GABRA5: variants seen among roughly 807,000 people sequenced by gnomAD.
GABRA5 encodes gamma-aminobutyric acid type A receptor subunit alpha5.
A neutral mutation model predicts 47.3 loss-of-function variants in GABRA5; 18 were observed. That is an observed-to-expected ratio of 0.38 (90% CI 0.26 to 0.56). The LOEUF (loss-of-function observed/expected upper bound fraction) is 0.56. Among genes scored for constraint, GABRA5 ranks in the 20% least tolerant of loss-of-function variants. The probability of loss-of-function intolerance (pLI) is 0.71; values close to 1 mark genes in which losing one functional copy is unlikely to be tolerated. For synonymous variants in GABRA5, 237 were observed against 229.3 expected (o/e 1.03, Z -0.30); for missense variants, 365 against 599.3 (o/e 0.61, Z 4.08).
At chr15:26,935,103 T>C (rs1013423068) in intron 7 of GABRA5, among the ~76,000 whole-genome samples, 1 of 152,164 alleles carries the variant, frequency 6.6e-6, no homozygotes, top group African/African-American at 2.4e-5. Flanking sequence ...GAATTTAGTG[T>C]TGGTTGCTGA....
intron 6 of GABRA5, among the ~76,000 whole-genome samples, chr15:26,886,632 G>A (rs1026706637): frequency 1.3e-5 from 2 of 152,158 alleles, no homozygotes; most frequent in Non-Finnish European, 2.9e-5. Context: ...TCTGAGCAAT[G>A]TTCTTGTTTA....
rs1042285046 is a variant in GABRA5, at chr15:26,937,255, A to G, written c.651A>G (p.Glu217=). 3 of 1,614,042 alleles carry G rather than the reference A, an allele frequency of 1.9e-6. No homozygotes were observed. The highest frequency in any genetic ancestry group is 2.5e-6 in the Non-Finnish European group (3 of 1,179,884). The part of the protein sequence containing the change: ...NGSTKSVVVA[E]DGSRLNQYHL... Reference sequence around the variant, plus strand: ...CCACCAAGTCGGTGGTGGTGGCGGAAGATGGCTCCAGACTGAACCAGTACC... The same window carrying G: ...CCACCAAGTCGGTGGTGGTGGCGGAGGATGGCTCCAGACTGAACCAGTACC... The change falls in exon 8 of 11, where the codon GAA becomes GAG. Residue 217 remains glutamate (E), a synonymous_variant. Transcript: ENST00000335625.
intron 6 of GABRA5, among the ~76,000 whole-genome samples, chr15:26,890,593 C>T (rs572760474): frequency 3.3e-5 from 5 of 152,134 alleles, no homozygotes; most frequent in Non-Finnish European, 5.9e-5. Context: ...CACGCAGCCA[C>T]ACCATCCTTC....
intron 7 of GABRA5, among the ~76,000 whole-genome samples, chr15:26,936,144 G>A (rs1314839635): frequency 6.6e-6 from 1 of 152,142 alleles, no homozygotes; most frequent in Non-Finnish European, 1.5e-5. Context: ...CCTGTGAAGA[G>A]GTGCCTTCCG....
chr15:26,913,100 C>T (rs1893636721), intron 6 of GABRA5, among the ~76,000 whole-genome samples: 1 of 127,144 alleles, frequency 7.9e-6, no homozygotes, highest in Non-Finnish European at 1.7e-5. Flanking sequence ...AGGAGAATTG[C>T]TTGAACCCGG....
chr15:26,891,607 C>G (rs1170396003), intron 6 of GABRA5, among the ~76,000 whole-genome samples: 1 of 152,186 alleles, frequency 6.6e-6, no homozygotes, highest in African/African-American at 2.4e-5. Flanking sequence ...GTTAAAGCCC[C>G]GGATTCACCG....
At chr15:26,911,111 T>C (rs1326516122) in intron 6 of GABRA5, among the ~76,000 whole-genome samples, 1 of 152,174 alleles carries the variant, frequency 6.6e-6, no homozygotes, top group Non-Finnish European at 1.5e-5. Flanking sequence ...ATCTGAATAA[T>C]ACATTCATGT....
chr15:26,903,007 T>C (rs1372688657), intron 6 of GABRA5, among the ~76,000 whole-genome samples: 2 of 152,144 alleles, frequency 1.3e-5, no homozygotes, highest in Non-Finnish European at 2.9e-5. Flanking sequence ...AGATTTGTTA[T>C]ATAGATAAAC....
At position 26,915,011 on chromosome 15, in the gene GABRA5, G is replaced by A. The variant is rs1323378629; in HGVS notation, c.580+126G>A. 3.0e-5 allele frequency: 23 copies of A among 776,520 alleles called. 1 individual carries two copies. The highest frequency in any genetic ancestry group is 4.6e-5 in the Non-Finnish European group (21 of 454,122). 48.1% of individuals were successfully genotyped at this position (776,520 alleles called of 1,614,324 possible). On this transcript the variant is annotated intron_variant, in intron 7 of 10. Transcript: ENST00000335625. ...AGGATGCAGTCTGTTTAAGAAGCGT[G>A]GAGAGTGTATTGTTCTCCCCAGACT...
rs761216637 is a variant in GABRA5, at chr15:26,914,900, C to CA, written c.580+17dup. The CA allele has an allele frequency of 6.2e-7, 1 of 1,604,052 alleles. No homozygotes were observed. Among genetic ancestry groups the CA allele is most frequent in the Non-Finnish European group, 8.5e-7 (1 of 1,170,886 alleles). Reference sequence around the variant, plus strand: ...ATTTGGCAGCTGTAAGTTATTTTCACAAGTAAGAGCCTTGGACATATACTT... The same window carrying CA: ...ATTTGGCAGCTGTAAGTTATTTTCACAAAGTAAGAGCCTTGGACATATACTT... On this transcript the variant is annotated intron_variant, in intron 7 of 10. Transcript: ENST00000335625.
chr15:26,943,960 G>GA (rs1894450383), intron 10 of GABRA5, among the ~76,000 whole-genome samples: 1 of 152,138 alleles, frequency 6.6e-6, no homozygotes, highest in Non-Finnish European at 1.5e-5. Flanking sequence ...AACATTTGAA[G>GA]AAAAAATGTT....
chr15:26,871,025 C>T (rs1011422454), intron 3 of GABRA5, among the ~76,000 whole-genome samples: 19 of 152,156 alleles, frequency 1.2e-4, no homozygotes, highest in African/African-American at 4.6e-4. Context: ...GAAACCCCAT[C>T]TCTATTAAAA....
In GABRA5 at chr15:26,883,298, C is replaced by G. The variant is rs916227206; in HGVS notation, c.277-39C>G. On this transcript the variant is annotated intron_variant, in intron 5 of 10. Coordinates refer to ENST00000335625, the MANE Select transcript of GABRA5 (RefSeq NM_000810.4). This position sits in a 1 kb window ranked among gnomAD's most constrained non-coding sequence, Gnocchi z 4.8. ...CGCGCCGCAGGCCCCCGCCCAGGCC[C>G]CGTGCCCTCTGACTGCCTCGTGCCT... The G allele has an allele frequency of 3.1e-6, 5 of 1,611,988 alleles. No homozygotes were observed. The highest frequency in any genetic ancestry group is 1.7e-5 in the Admixed American group (1 of 60,016).
At chr15:26,935,844 C>T (rs1223468595) in intron 7 of GABRA5, among the ~76,000 whole-genome samples, 1 of 152,200 alleles carries the variant, frequency 6.6e-6, no homozygotes, top group African/African-American at 2.4e-5. Flanking sequence ...GTTGTTAGCT[C>T]CTCATCGGCT....
intron 9 of GABRA5, among the ~76,000 whole-genome samples, chr15:26,942,350 A>T (rs1170094367): frequency 6.6e-6 from 1 of 152,234 alleles, no homozygotes; most frequent in African/African-American, 2.4e-5. Context: ...TAGTGGCCAC[A>T]GGCACCATGC....
intron 6 of GABRA5, among the ~76,000 whole-genome samples, chr15:26,906,074 AT>A (rs1566875437): frequency 6.6e-6 from 1 of 151,884 alleles, no homozygotes; most frequent in Non-Finnish European, 1.5e-5. Flanking sequence ...GGATATTTTG[AT>A]TATTATAATG....
chr15:26,873,417 T>C (rs1034957684), intron 3 of GABRA5, among the ~76,000 whole-genome samples: 3 of 152,224 alleles, frequency 2.0e-5, no homozygotes, highest in Non-Finnish European at 4.4e-5. Context: ...GTTGAACAAT[T>C]TTAATATGTG....
chr15:26,866,895 G>GACT (rs1892323964), upstream of GABRA5: 1 of 152,192 alleles, frequency 6.6e-6, no homozygotes, highest in African/African-American at 2.4e-5. Flanking sequence ...GGGCGGTGGT[G>GACT]ACTACACGAG....
chr15:26,910,205 C>A (rs988010769), intron 6 of GABRA5, among the ~76,000 whole-genome samples: 1 of 152,114 alleles, frequency 6.6e-6, no homozygotes, highest in African/African-American at 2.4e-5. Context: ...ACTCTTCACC[C>A]ATCAGCTGCT....
Sources: allele counts gnomAD v4.1 joint callset (sites outside exome capture counted in the v4.1 genomes callset), GRCh38; gene constraint gnomAD v4.1.1; non-coding constraint Gnocchi (gnomAD v3.1); transcripts MANE v1.5; gene names NCBI Gene and HGNC (gene_info 2026-07-23, HGNC 2026-07-21).